The following MAP4K3 variants were observed in gnomAD, a reference collection of about 807,000 sequenced individuals.
MAP4K3 encodes the protein mitogen-activated protein kinase kinase kinase kinase 3.
Under a neutral mutation model 143.5 loss-of-function variants are expected in MAP4K3, and 94 were observed. The observed-to-expected ratio is 0.65, with a 90% confidence interval of 0.55 to 0.78. MAP4K3 has a LOEUF of 0.78. Among genes scored for constraint, MAP4K3 ranks in the 30% least tolerant of loss-of-function variants. MAP4K3 has a pLI of 0.00. For synonymous variants in MAP4K3, 416 were observed against 347.2 expected (o/e 1.20, Z -2.20); for missense variants, 1,077 against 1,068.1 (o/e 1.01, Z -0.12).
At chr2:39,313,772 C>CA (rs1249136183) in intron 13 of MAP4K3, among the ~76,000 whole-genome samples, 1 of 152,074 alleles carries the variant, frequency 6.6e-6, no homozygotes, top group Non-Finnish European at 1.5e-5. Flanking sequence ...CTCGGCCTCC[C>CA]AAAAGTACTG....
chr2:39,309,007 A>G (rs1332742927), intron 14 of MAP4K3, among the ~76,000 whole-genome samples: 1 of 152,208 alleles, frequency 6.6e-6, no homozygotes, highest in African/African-American at 2.4e-5. Context: ...TAATCACAGA[A>G]TGGTAAAACA....
rs758034010 is a variant in MAP4K3, at chr2:39,292,763, C to G, written c.1271+10G>C. On this transcript the variant is annotated intron_variant, in intron 18 of 33. Transcript: ENST00000263881. ...CTTTTCTTTTTACCAAAAACAGAGA[C>G]AGAACTTACTGTTTAGATTCATCAT... The G allele has an allele frequency of 1.2e-6, 2 of 1,610,642 alleles. 1 individual carries two copies. Among genetic ancestry groups the G allele is most frequent in the South Asian group, 2.2e-5 (2 of 90,952 alleles).
intron 3 of MAP4K3, among the ~76,000 whole-genome samples, chr2:39,351,236 T>C (rs1169381691): frequency 1.3e-5 from 2 of 152,188 alleles, no homozygotes; most frequent in Non-Finnish European, 2.9e-5. Context: ...CTCCTGAATA[T>C]GTCACAGTTT....
chr2:39,410,550 A>C (rs1451847401), intron 1 of MAP4K3, among the ~76,000 whole-genome samples: 1 of 152,228 alleles, frequency 6.6e-6, no homozygotes, highest in Non-Finnish European at 1.5e-5. Flanking sequence ...AAATCTTATT[A>C]CATGATTTTG....
intron 2 of MAP4K3, among the ~76,000 whole-genome samples, chr2:39,357,814 T>C (rs1254943811): frequency 1.3e-5 from 2 of 152,200 alleles, no homozygotes; most frequent in Non-Finnish European, 2.9e-5. Context: ...ACTTTGGAAG[T>C]TCTGGACTTT....
At chr2:39,416,779 A>G (rs1335557816) in intron 1 of MAP4K3, among the ~76,000 whole-genome samples, 1 of 152,190 alleles carries the variant, frequency 6.6e-6, no homozygotes, top group African/African-American at 2.4e-5. Flanking sequence ...AAAAATGATA[A>G]TCAACACTAC....
chr2:39,403,610 A>G (rs566541191), intron 1 of MAP4K3, among the ~76,000 whole-genome samples: 5 of 152,034 alleles, frequency 3.3e-5, no homozygotes, highest in Non-Finnish European at 5.9e-5. Flanking sequence ...CCTCCCCACC[A>G]TGGGATGAAG....
intron 1 of MAP4K3, among the ~76,000 whole-genome samples, chr2:39,420,841 A>G (rs915546993): frequency 3.3e-5 from 5 of 152,196 alleles, no homozygotes; most frequent in African/African-American, 2.4e-5. Context: ...TCAGGTGTCC[A>G]CTATCCCTCT....
Position 39,270,000 on chromosome 2 carries a change from T to C in MAP4K3, c.1973+2283A>G, listed in dbSNP as rs1680945622. On this transcript the variant is annotated intron_variant, in intron 26 of 33. Transcript: ENST00000263881. The stretch of plus-strand genomic sequence containing the variant: ...CTTTGAACCAAAGCGCTTTTTAGAG[T>C]TAAAAAAAATCTGAACCAAGCTCCT... 2.0e-5 allele frequency among the ~76,000 whole-genome samples: 3 copies of C among 151,966 alleles called. No homozygotes were observed. The South Asian group carries it at 6.2e-4, about 32-fold the overall frequency.
At chr2:39,297,789 A>C (rs1230635513) in intron 16 of MAP4K3, among the ~76,000 whole-genome samples, 2 of 152,206 alleles carry the variant, frequency 1.3e-5, no homozygotes, top group African/African-American at 4.8e-5. Flanking sequence ...AACACAGCCA[A>C]AGAGCAAACT....
At chr2:39,295,603 A>C (rs1027125153) in intron 16 of MAP4K3, among the ~76,000 whole-genome samples, 2 of 152,114 alleles carry the variant, frequency 1.3e-5, no homozygotes, top group African/African-American at 4.8e-5. Flanking sequence ...AGCACATGAC[A>C]ATCTTTTTTG....
intron 8 of MAP4K3, among the ~76,000 whole-genome samples, chr2:39,331,163 T>C (rs1326928874): frequency 2.6e-5 from 4 of 152,120 alleles, no homozygotes; most frequent in Admixed American, 2.0e-4. Flanking sequence ...GAAGAGGGCA[T>C]CAGGGGAGTG....
At chr2:39,273,061 G>GAT (rs138178824) in intron 24 of MAP4K3, among the ~76,000 whole-genome samples, 33 of 150,970 alleles carry the variant, frequency 2.2e-4, no homozygotes, top group African/African-American at 3.4e-4. Context: ...TCACAAAGCA[G>GAT]ATATATATAT....
At chr2:39,346,672 A>G (rs1346833434) in intron 3 of MAP4K3, among the ~76,000 whole-genome samples, 1 of 152,198 alleles carries the variant, frequency 6.6e-6, no homozygotes, top group Non-Finnish European at 1.5e-5. Context: ...AACCTAAATC[A>G]GGAGTCCACC....
At chr2:39,363,014 G>A (rs765616651) in intron 2 of MAP4K3, among the ~76,000 whole-genome samples, 13 of 152,112 alleles carry the variant, frequency 8.5e-5, no homozygotes, top group Admixed American at 1.3e-4. Flanking sequence ...GACATTGGAC[G>A]TTATCCTACA....
At chr2:39,377,725 T>C (rs996696035) in intron 2 of MAP4K3, among the ~76,000 whole-genome samples, 2 of 152,174 alleles carry the variant, frequency 1.3e-5, no homozygotes, top group Non-Finnish European at 2.9e-5. Flanking sequence ...ATTTCAGTTC[T>C]GTTTTTTCCA....
At chr2:39,395,079 TAAAC>T (rs1264472648) in intron 1 of MAP4K3, among the ~76,000 whole-genome samples, 16 of 152,144 alleles carry the variant, frequency 1.1e-4, no homozygotes, top group African/African-American at 3.6e-4. Flanking sequence ...CTGATGAAAT[TAAAC>T]AACCTTCCAG....
chr2:39,284,716 C>T (rs1033380204), intron 21 of MAP4K3, among the ~76,000 whole-genome samples: 1 of 151,396 alleles, frequency 6.6e-6, no homozygotes, highest in Non-Finnish European at 1.5e-5. Flanking sequence ...TGGTGGCGTG[C>T]ACCTGTAATC....
intron 2 of MAP4K3, among the ~76,000 whole-genome samples, chr2:39,364,298 C>G (rs2148562356): frequency 1.3e-5 from 2 of 152,160 alleles, no homozygotes; most frequent in South Asian, 2.1e-4. Flanking sequence ...TTCAGTCACA[C>G]AAGATGAAAA....
Sources: allele counts gnomAD v4.1 joint callset (sites outside exome capture counted in the v4.1 genomes callset), GRCh38; gene constraint gnomAD v4.1.1; transcripts MANE v1.5; gene names NCBI Gene and HGNC (gene_info 2026-07-23, HGNC 2026-07-21).